Variants in FSIP2 observed in about 807,000 individuals in gnomAD.
FSIP2 encodes the protein fibrous sheath interacting protein 2, also known as fibrous sheath-interacting protein 2.
FSIP2 carries 367 observed loss-of-function variants against 510.5 expected under a neutral mutation model. That is an observed-to-expected ratio of 0.72 (90% CI 0.66 to 0.78). The LOEUF (loss-of-function observed/expected upper bound fraction) is 0.78, where lower values mean the gene tolerates loss of function less well. Among genes scored for constraint, FSIP2 ranks in the 30% least tolerant of loss-of-function variants. The probability of loss-of-function intolerance (pLI) is 0.00; values close to 1 mark genes in which losing one functional copy is unlikely to be tolerated. For missense variants in FSIP2, 7,594 were observed against 7,901.7 expected (o/e 0.96, Z 1.48); for synonymous variants, 2,601 against 2,732.2 (o/e 0.95, Z 1.50).
chr2:185,812,389 A>G (rs1693750083), intron 17 of FSIP2, among the ~76,000 whole-genome samples: 1 of 152,120 alleles, frequency 6.6e-6, no homozygotes, highest in African/African-American at 2.4e-5. Context: ...ATGTTTGCCC[A>G]ATGCCTGTAC....
In FSIP2 at chr2:185,738,811, G is replaced by T. The variant is rs1691850800; in HGVS notation, c.-84G>T. 2 of 1,535,836 alleles carry T rather than the reference G, an allele frequency of 1.3e-6. No homozygotes were observed. The highest frequency in any genetic ancestry group is 1.7e-6 in the Non-Finnish European group (2 of 1,146,806). ...GGTCGTTGGGCTCTGGCCATTCCTG[G>T]TCAGGTCCGGACAGAGGGACAACGG... On this transcript the variant is annotated 5_prime_UTR_variant, in exon 1 of 23. Coordinates refer to ENST00000424728, the MANE Select transcript of FSIP2 (RefSeq NM_173651.4).
intron 13 of FSIP2, chr2:185,765,336 T>A (rs1692447068): frequency 6.6e-6 from 1 of 152,110 alleles, no homozygotes; most frequent in South Asian, 2.1e-4. Flanking sequence ...AGAAGAACAC[T>A]TAAGAGCTAC....
chr2:185,786,683 A>G (rs574088992), intron 15 of FSIP2, among the ~76,000 whole-genome samples: 1 of 151,990 alleles, frequency 6.6e-6, no homozygotes, highest in African/African-American at 2.4e-5. Flanking sequence ...ATCTGTCTTC[A>G]GTAGTTTTGT....
At chr2:185,742,320 T>G (rs1691939314) in intron 2 of FSIP2, among the ~76,000 whole-genome samples, 1 of 152,218 alleles carries the variant, frequency 6.6e-6, no homozygotes. Flanking sequence ...TGCTAATGTT[T>G]TAATTCATGG....
Position 185,800,740 on chromosome 2 carries a change from G to C in FSIP2, c.11434G>C (p.Glu3812Gln). The part of the protein sequence containing the change: ...SDYRKGGMDC[E>Q]CLQVDYMSDL... ...TTATCGTAAGGGAGGAATGGACTGT[G>C]AATGCCTTCAAGTAGATTACATGTC... Residue 3812 changes from glutamate to glutamine, a missense_variant, in exon 17 of 23, where the codon GAA becomes CAA. Glu to Gln is a conservative substitution (Grantham distance 29, BLOSUM62 2). Transcript: ENST00000424728. 2 of 1,533,662 alleles carry C rather than the reference G, an allele frequency of 1.3e-6. No individual in the cohort carries two copies. The highest frequency in any genetic ancestry group is 1.7e-6 in the Non-Finnish European group (2 of 1,145,340).
intron 7 of FSIP2, among the ~76,000 whole-genome samples, chr2:185,751,125 C>T (rs1692138504): frequency 6.6e-6 from 1 of 151,372 alleles, no homozygotes; most frequent in African/African-American, 2.4e-5. Context: ...TTGTTCAAAT[C>T]CAAGTCCTAG....
chr2:185,804,564 C>T lies in FSIP2; in HGVS notation c.15258C>T (p.Pro5086=). ...GELESSSYSY[P]QADNIIRNVL... Reference sequence around the variant, plus strand: ...TAGAGTCTTCTTCTTATTCGTATCCCCAAGCTGATAATATCATCAGAAATG... The same window carrying T: ...TAGAGTCTTCTTCTTATTCGTATCCTCAAGCTGATAATATCATCAGAAATG... The change falls in exon 17 of 23, where the codon CCC becomes CCT. Residue 5086 remains proline (P), a synonymous_variant. Coordinates refer to ENST00000424728, the MANE Select transcript of FSIP2 (RefSeq NM_173651.4). 2 of 1,531,226 alleles carry T rather than the reference C, an allele frequency of 1.3e-6. No homozygotes were observed. The highest frequency in any genetic ancestry group is 1.7e-6 in the Non-Finnish European group (2 of 1,144,266). 94.9% of individuals were successfully genotyped at this position (1,531,226 alleles called of 1,614,324 possible).
In FSIP2 at chr2:185,797,199, A is replaced by G. The variant is rs1316555455; in HGVS notation, c.10063A>G (p.Ile3355Val). 6.5e-7 allele frequency: 1 copy of G among 1,535,002 alleles called. No homozygotes were observed. The highest frequency in any genetic ancestry group is 1.4e-5 in the African/African-American group (1 of 72,942). ...ACCACACACTAATGAGAACAGGGAA[A>G]TAATGAAACCATTTTTCATATCAAA... is the stretch of plus-strand genomic sequence containing the variant. ...SQPHTNENRE[I>V]MKPFFISKQS... The change falls in exon 16 of 23, where the codon ATA becomes GTA. Residue 3355 changes from isoleucine (I) to valine (V), a missense_variant. Physicochemically the swap from Ile to Val is conservative, Grantham distance 29. Coordinates refer to ENST00000424728, the MANE Select transcript of FSIP2 (RefSeq NM_173651.4).
At position 185,745,425 on chromosome 2, in the gene FSIP2, A is replaced by G. The variant is rs954496303; in HGVS notation, c.478-4A>G. On this transcript the variant is annotated splice_polypyrimidine_tract_variant and splice_region_variant and intron_variant, in intron 4 of 22. Transcript: ENST00000424728. Reference sequence around the variant, plus strand: ...TATATGTAATACACACATTTCTTAAATAGAGAATACTTGCAAAACAACTAC... The same window carrying G: ...TATATGTAATACACACATTTCTTAAGTAGAGAATACTTGCAAAACAACTAC... 6.6e-7 allele frequency: 1 copy of G among 1,517,026 alleles called. No individual in the cohort carries two copies. The highest frequency in any genetic ancestry group is 8.8e-7 in the Non-Finnish European group (1 of 1,131,288). The allele number at this position is 1,517,026 out of a possible 1,614,324, so 94.0% of individuals were successfully genotyped here. A position where few individuals can be genotyped will look rare whatever the true frequency, so the allele number is the denominator to read the frequency against.
Position 185,794,172 on chromosome 2 carries a change from G to C in FSIP2, c.7036G>C (p.Ala2346Pro), listed in dbSNP as rs201278788. 1.2e-4 allele frequency: 183 copies of C among 1,534,370 alleles called. 1 individual carries two copies. In the Middle Eastern group the frequency reaches 3.8e-3, roughly 32 times the overall value. ...TGGATCCACAATTCACCTATCGCAAGCTAGGCTTAAGACATATGCTGACGT... is the reference window on the plus strand; with the variant it reads ...TGGATCCACAATTCACCTATCGCAACCTAGGCTTAAGACATATGCTGACGT... Reference protein sequence around the residue: ...KLGSTIHLSQARLKTYADVIA... With the variant: ...KLGSTIHLSQPRLKTYADVIA... The change falls in exon 16 of 23, where the codon GCT (alanine) becomes CCT (proline). Residue 2346 changes from alanine to proline, a missense_variant. Transcript: ENST00000424728.
At position 185,804,507 on chromosome 2, in the gene FSIP2, T is replaced by C; in HGVS notation, c.15201T>C (p.Asp5067=). Residue 5067 remains aspartate (D), a synonymous_variant, in exon 17 of 23, where the codon GAT becomes GAC. Coordinates refer to ENST00000424728, the MANE Select transcript of FSIP2 (RefSeq NM_173651.4). ...IYYLLLEEIY[D]YQVQSLVSGE... ...ATTTGCTATTGGAAGAAATATATGA[T>C]TATCAAGTGCAGTCATTAGTTTCAG... The C allele has an allele frequency of 6.6e-7, 1 of 1,515,230 alleles. No homozygotes were observed. The highest frequency in any genetic ancestry group is 8.8e-7 in the Non-Finnish European group (1 of 1,137,202). 93.9% of individuals were successfully genotyped at this position (1,515,230 alleles called of 1,614,324 possible).
intron 19 of FSIP2, among the ~76,000 whole-genome samples, chr2:185,823,366 G>A (rs1307535519): frequency 6.6e-6 from 1 of 151,594 alleles, no homozygotes; most frequent in South Asian, 2.1e-4. Flanking sequence ...ACTCAACAAT[G>A]ATAAAACAAC....
At chr2:185,757,247 G>A (rs777966442) in intron 9 of FSIP2, among the ~76,000 whole-genome samples, 3 of 151,388 alleles carry the variant, frequency 2.0e-5, no homozygotes, top group African/African-American at 4.8e-5. Context: ...TCTTACTGTT[G>A]TCAAAGAACC....
At chr2:185,747,125 CAT>C (rs1173880002) in intron 6 of FSIP2, among the ~76,000 whole-genome samples, 186 bp from the exon 7 acceptor site, 2 of 152,018 alleles carry the variant, frequency 1.3e-5, no homozygotes, top group African/African-American at 4.8e-5. Context: ...TAAAAAGTAT[CAT>C]ATTTGCATTC....
In FSIP2 at chr2:185,792,388, G is replaced by A. The variant is rs950937694; in HGVS notation, c.5252G>A (p.Arg1751His). 3.9e-6 allele frequency: 6 copies of A among 1,533,114 alleles called. No individual in the cohort carries two copies. Among genetic ancestry groups the A allele is most frequent in the Admixed American group, 3.9e-5 (2 of 50,682 alleles). 95.0% of individuals were successfully genotyped at this position (1,533,114 alleles called of 1,614,324 possible). Residue 1751 changes from arginine to histidine, a missense_variant, in exon 16 of 23, where the codon CGT becomes CAT. Physicochemically the swap from Arg to His is conservative, Grantham distance 29. Coordinates refer to ENST00000424728, the MANE Select transcript of FSIP2 (RefSeq NM_173651.4). Reference protein sequence around the residue: ...RSPQREEVKTRSLKQWALEKT... With the variant: ...RSPQREEVKTHSLKQWALEKT... The stretch of plus-strand genomic sequence containing the variant: ...CCACAAAGAGAAGAAGTGAAAACAC[G>A]TTCTCTTAAACAATGGGCTCTCGAA...
chr2:185,782,629 C>G (rs1692876588), intron 13 of FSIP2, 76 bp from the exon 14 acceptor site: 1 of 838,654 alleles, frequency 1.2e-6, no homozygotes, highest in Admixed American at 2.0e-5. Flanking sequence ...AAAATAAATA[C>G]CTACTGGAGG....
At position 185,807,228 on chromosome 2, in the gene FSIP2, A is replaced by G; in HGVS notation, c.17922A>G (p.Ala5974=). ...LIFCDEVSVS[A]CLPLESKDVV... is the part of the protein sequence containing the mutation. ...TTTGTGATGAGGTTTCAGTTTCAGC[A>G]TGTTTGCCTCTGGAATCTAAGGATG... Residue 5974 remains alanine, a synonymous_variant, in exon 17 of 23, where the codon GCA becomes GCG. Transcript: ENST00000424728. The G allele has an allele frequency of 6.2e-7, 1 of 1,606,336 alleles. No individual in the cohort carries two copies. The highest frequency in any genetic ancestry group is 2.2e-5 in the East Asian group (1 of 44,784).
chr2:185,803,263 G>A lies in FSIP2; in HGVS notation c.13957G>A (p.Glu4653Lys), dbSNP rs757723606. 1 of 1,525,364 alleles carries A rather than the reference G, an allele frequency of 6.6e-7. No homozygotes were observed. Among genetic ancestry groups the A allele is most frequent in the South Asian group, 1.2e-5 (1 of 82,172 alleles). The allele number at this position is 1,525,364 out of a possible 1,614,324, so 94.5% of individuals were successfully genotyped here. A position where few individuals can be genotyped will look rare whatever the true frequency, so the allele number is the denominator to read the frequency against. Residue 4653 changes from glutamate (E) to lysine (K), a missense_variant, in exon 17 of 23, where the codon GAA becomes AAA. Transcript: ENST00000424728. ...QTKSIRDSED[E>K]LFEKAEELIH... ...AAAATCCATAAGAGATTCAGAAGATGAACTGTTTGAGAAAGCTGAAGAACT... is the reference window on the plus strand; with the variant it reads ...AAAATCCATAAGAGATTCAGAAGATAAACTGTTTGAGAAAGCTGAAGAACT...
chr2:185,802,986 A>G lies in FSIP2; in HGVS notation c.13680A>G (p.Ser4560=). Residue 4560 remains serine (S), a synonymous_variant, in exon 17 of 23, where the codon TCA becomes TCG. Transcript: ENST00000424728. The stretch of plus-strand genomic sequence containing the variant: ...TGCAAACCTCTGGTTCTCAAGAATC[A>G]GCTGTGCAAAATATCACAAGCAGTA... ...NVVQTSGSQE[S]AVQNITSSND... is the part of the protein sequence containing the mutation. 6.5e-7 allele frequency: 1 copy of G among 1,531,260 alleles called. No individual in the cohort carries two copies. Among genetic ancestry groups the G allele is most frequent in the Non-Finnish European group, 8.7e-7 (1 of 1,144,352 alleles). 94.9% of individuals were successfully genotyped at this position (1,531,260 alleles called of 1,614,324 possible).
Sources: allele counts gnomAD v4.1 joint callset (sites outside exome capture counted in the v4.1 genomes callset), GRCh38; gene constraint gnomAD v4.1.1; transcripts MANE v1.5; gene names NCBI Gene and HGNC (gene_info 2026-07-23, HGNC 2026-07-21).